Variants in GAB1 observed in about 807,000 individuals in gnomAD.
GAB1 encodes GRB2 associated binding protein 1.
Under a neutral mutation model 66.5 loss-of-function variants are expected in GAB1, and 19 were observed. The observed-to-expected ratio is 0.29, with a 90% CI of 0.20 to 0.42. GAB1 has a LOEUF of 0.42. Ranked by LOEUF, GAB1 falls within the 10% of genes least tolerant of loss-of-function variation. The pLI is 1.00. For missense variants in GAB1, 732 were observed against 858.5 expected (o/e 0.85, Z 1.84); for synonymous variants, 294 against 301.4 (o/e 0.98, Z 0.25).
intron 1 of GAB1, among the ~76,000 whole-genome samples, chr4:143,386,753 A>G (rs191305299): frequency 1.7e-3 from 264 of 152,300 alleles, no homozygotes; most frequent in African/African-American, 6.2e-3. Flanking sequence ...TTTGACTGCA[A>G]CCTGTCAAAT....
chr4:143,338,184 G>A (rs1728721705), intron 1 of GAB1, among the ~76,000 whole-genome samples: 1 of 152,194 alleles, frequency 6.6e-6, no homozygotes, highest in Admixed American at 6.5e-5. Flanking sequence ...AGAGGTCTGG[G>A]ATCTTATTCT....
intron 1 of GAB1, among the ~76,000 whole-genome samples, chr4:143,366,036 G>T (rs1257340194): frequency 6.6e-6 from 1 of 152,066 alleles, no homozygotes; most frequent in East Asian, 1.9e-4. Context: ...TATTTATAGG[G>T]TGCCTGGCAC....
rs1344543864 is a variant in GAB1 at position 143,365,078 on chromosome 4, C to T, written c.72+27818C>T. Among the ~76,000 whole-genome samples, 5 of 151,566 alleles carry T rather than the reference C, an allele frequency of 3.3e-5. No homozygotes were observed. The South Asian group carries it at 8.4e-4, about 25-fold the overall frequency. On this transcript the variant is annotated intron_variant, in intron 1 of 9. Coordinates refer to ENST00000262994, the MANE Select transcript of GAB1 (RefSeq NM_002039.4). ...ATTTTTAGTAGAGACGGGGTTTCACCGTGTTAGCCAAGATGGTCTCGATCT... is the reference window on the plus strand; with the variant it reads ...ATTTTTAGTAGAGACGGGGTTTCACTGTGTTAGCCAAGATGGTCTCGATCT...
chr4:143,351,538 G>C (rs1259295599), intron 1 of GAB1, among the ~76,000 whole-genome samples: 2 of 152,192 alleles, frequency 1.3e-5, no homozygotes, highest in Non-Finnish European at 2.9e-5. Context: ...TGGCCGGCCA[G>C]GGTGGTCTTG....
At chr4:143,420,177 T>G (rs1338965989) in intron 2 of GAB1, among the ~76,000 whole-genome samples, 1 of 152,102 alleles carries the variant, frequency 6.6e-6, no homozygotes, top group Non-Finnish European at 1.5e-5. Flanking sequence ...CTCTTCCTGT[T>G]TGAGAGAGCT....
chr4:143,414,776 T>C (rs140120954), intron 1 of GAB1, among the ~76,000 whole-genome samples: 197 of 152,358 alleles, frequency 1.3e-3, no homozygotes, highest in African/African-American at 4.6e-3. Flanking sequence ...CATGAAAATC[T>C]GTTGCTTTTT....
chr4:143,414,101 G>C (rs1732551992), intron 1 of GAB1, among the ~76,000 whole-genome samples: 1 of 152,060 alleles, frequency 6.6e-6, no homozygotes, highest in Non-Finnish European at 1.5e-5. Flanking sequence ...GGGATTACAG[G>C]CATGAGCCAC....
At chr4:143,414,754 A>G (rs982636806) in intron 1 of GAB1, among the ~76,000 whole-genome samples, 1 of 152,246 alleles carries the variant, frequency 6.6e-6, no homozygotes, top group African/African-American at 2.4e-5. Context: ...TCTTTATGGC[A>G]TAATATTAAT....
intron 1 of GAB1, among the ~76,000 whole-genome samples, chr4:143,407,698 G>A (rs28925885): frequency 5.9e-5 from 9 of 152,106 alleles, no homozygotes; most frequent in African/African-American, 1.9e-4. Flanking sequence ...TAATGATAGA[G>A]CCAGTGGAGT....
intron 1 of GAB1, among the ~76,000 whole-genome samples, chr4:143,404,761 CAA>C (rs1385952148): frequency 2.6e-5 from 4 of 152,180 alleles, no homozygotes; most frequent in Non-Finnish European, 5.9e-5. Flanking sequence ...AAACTGAAAA[CAA>C]AACAACTGCA....
Position 143,361,093 on chromosome 4 carries a change from G to T in GAB1, c.72+23833G>T, listed in dbSNP as rs576264764. On this transcript the variant is annotated intron_variant, in intron 1 of 9. Transcript: ENST00000262994. The stretch of plus-strand genomic sequence containing the variant: ...TTCTGTTGGCATAGTTAAGCAGGGG[G>T]TTAAAAATTCAAGTTTTTGGGAAGG... Among the ~76,000 whole-genome samples, 29 of 152,078 alleles carry T rather than the reference G, an allele frequency of 1.9e-4. 1 individual carries two copies. In the South Asian group the frequency reaches 5.4e-3, roughly 28 times the overall value.
At chr4:143,369,410 C>T (rs1347578534) in intron 1 of GAB1, among the ~76,000 whole-genome samples, 1 of 152,136 alleles carries the variant, frequency 6.6e-6, no homozygotes, top group African/African-American at 2.4e-5. Context: ...CACTTTAATT[C>T]ATTTAGTTTT....
At chr4:143,379,834 C>T (rs1335318790) in intron 1 of GAB1, among the ~76,000 whole-genome samples, 2 of 151,992 alleles carry the variant, frequency 1.3e-5, no homozygotes, top group East Asian at 3.9e-4. Context: ...GCTATCCTGC[C>T]TTGGCCTCTC....
Position 143,459,405 on chromosome 4 carries a change from A to G in GAB1, c.1606A>G (p.Ile536Val), listed in dbSNP as rs1735369309. ...DRKVKPAPLEIKPLPEWEELQ... is the reference protein window; with the variant it reads ...DRKVKPAPLEVKPLPEWEELQ... The stretch of plus-strand genomic sequence containing the variant: ...TTCAGTCAAGCCAGCGCCTTTAGAA[A>G]TAAAACCTTTGCCAGAATGGGAAGA... The change falls in exon 7 of 10, where the codon ATA becomes GTA. Residue 536 changes from isoleucine to valine, a missense_variant. Physicochemically the swap from Ile to Val is conservative, Grantham distance 29. Around this residue, in one of 4 missense-constraint regions of GAB1, gnomAD observed 204 missense variants for 276.8 expected, o/e 0.74. Coordinates refer to ENST00000262994, the MANE Select transcript of GAB1 (RefSeq NM_002039.4). The G allele has an allele frequency of 6.2e-7, 1 of 1,609,432 alleles. No individual in the cohort carries two copies. Among genetic ancestry groups the G allele is most frequent in the Admixed American group, 1.7e-5 (1 of 59,990 alleles).
intron 2 of GAB1, among the ~76,000 whole-genome samples, chr4:143,418,732 G>A (rs1478329450): frequency 6.6e-6 from 1 of 152,084 alleles, no homozygotes; most frequent in Non-Finnish European, 1.5e-5. Context: ...GAAATGAGAT[G>A]TTCTCATAGA....
At chr4:143,349,492 C>T in intron 1 of GAB1, 1 of 1,526,482 alleles carries the variant, frequency 6.6e-7, no homozygotes, top group South Asian at 1.1e-5. Context: ...TGGGGTGTAG[C>T]AGTCATCGAT....
intron 1 of GAB1, among the ~76,000 whole-genome samples, chr4:143,405,400 C>T (rs1249675278): frequency 2.0e-5 from 3 of 152,060 alleles, no homozygotes; most frequent in African/African-American, 4.8e-5. Context: ...TGACTTATTC[C>T]CTGATTAAGT....
At chr4:143,411,097 G>A (rs1285727448) in intron 1 of GAB1, among the ~76,000 whole-genome samples, 4 of 152,122 alleles carry the variant, frequency 2.6e-5, no homozygotes, top group African/African-American at 9.7e-5. Flanking sequence ...TTTCCAATGT[G>A]GTTGGAAGGC....
intron 6 of GAB1, among the ~76,000 whole-genome samples, chr4:143,451,088 G>A (rs1214120511): frequency 1.3e-5 from 2 of 152,172 alleles, no homozygotes; most frequent in East Asian, 3.8e-4. Flanking sequence ...TCACCGTCTA[G>A]GAGGGGATGT....
Sources: gnomAD v4.1 joint callset for allele counts (sites outside exome capture counted in the v4.1 genomes callset) on GRCh38, gnomAD v4.1.1 for gene constraint, gnomAD v4.1.1 regional missense constraint, MANE v1.5 for transcripts, NCBI Gene and HGNC (gene_info 2026-07-23, HGNC 2026-07-21) for gene names.